The following PAX7 variants were observed in gnomAD, a reference collection of about 807,000 sequenced individuals.
PAX7 encodes the protein paired box protein Pax-7.
PAX7 carries 18 observed loss-of-function variants against 50.7 expected under a neutral mutation model. The ratio of observed to expected loss-of-function variants is 0.36; its 90% CI spans 0.25 to 0.53. PAX7 has a LOEUF of 0.53. Ranked by LOEUF, PAX7 falls within the 20% of genes least tolerant of loss-of-function variation. The probability of loss-of-function intolerance (pLI) is 0.93; values close to 1 mark genes in which losing one functional copy is unlikely to be tolerated. For missense variants in PAX7, 644 were observed against 702.9 expected (o/e 0.92, Z 0.95); for synonymous variants, 310 against 290.4 (o/e 1.07, Z -0.69).
Position 18,745,312 on chromosome 1 carries a change from C to A in PAX7, c.*383C>A. The A allele has an allele frequency of 3.6e-6, 1 of 277,436 alleles. No homozygotes were observed. Among genetic ancestry groups the A allele is most frequent in the East Asian group, 5.5e-5 (1 of 18,196 alleles). 17.2% of individuals were successfully genotyped at this position (277,436 alleles called of 1,614,324 possible). A position where few individuals can be genotyped will look rare whatever the true frequency, so the allele number is the denominator to read the frequency against. On this transcript the variant is annotated 3_prime_UTR_variant, in exon 9 of 9. Coordinates refer to ENST00000420770, the MANE Select transcript of PAX7 (RefSeq NM_001135254.2). Reference sequence around the variant, plus strand: ...TCCTACAGCCCTTTGGACCCAACTCCAGTGGGGGCCCTAGCTAGAAGTGGA... The same window carrying A: ...TCCTACAGCCCTTTGGACCCAACTCAAGTGGGGGCCCTAGCTAGAAGTGGA...
chr1:18,635,222 C>G lies in PAX7; in HGVS notation c.433C>G (p.Arg145Gly). 1 of 1,613,568 alleles carries G rather than the reference C, an allele frequency of 6.2e-7. No homozygotes were observed. Among genetic ancestry groups the G allele is most frequent in the Non-Finnish European group, 8.5e-7 (1 of 1,179,792 alleles). ...DRLLKDGHCD[R>G]STVPSGLVSS... ...GCTGCTGAAGGATGGGCACTGTGAC[C>G]GAAGCACTGTGCCCTCAGGTGAGAA... is the stretch of plus-strand genomic sequence containing the variant. Residue 145 changes from arginine (R) to glycine (G), a missense_variant, in exon 3 of 9, where the codon CGA becomes GGA. By Grantham distance (125) the Arg-to-Gly change is moderately radical (BLOSUM62 -2). Coordinates refer to ENST00000420770, the MANE Select transcript of PAX7 (RefSeq NM_001135254.2).
chr1:18,633,222 C>A (rs1279957319), intron 1 of PAX7, among the ~76,000 whole-genome samples: 1 of 152,186 alleles, frequency 6.6e-6, no homozygotes, highest in East Asian at 1.9e-4. Context: ...CGCCTCCTCC[C>A]TTTCAATTAC....
At chr1:18,718,258 G>A (rs74056075) in intron 7 of PAX7, among the ~76,000 whole-genome samples, 366 of 152,282 alleles carry the variant, frequency 2.4e-3, no homozygotes, top group African/African-American at 8.1e-3. Flanking sequence ...CAGGGAGTGC[G>A]CCATCTCTGC....
At chr1:18,711,931 A>G (rs2089356662) in intron 7 of PAX7, among the ~76,000 whole-genome samples, 1 of 152,138 alleles carries the variant, frequency 6.6e-6, no homozygotes, top group South Asian at 2.1e-4. Flanking sequence ...CAGCTCCCAG[A>G]GACTGCTCCC....
Position 18,664,874 on chromosome 1 carries a change from T to C in PAX7, c.587-26880T>C, listed in dbSNP as rs191280151. On this transcript the variant is annotated intron_variant, in intron 4 of 8. Transcript: ENST00000420770. The stretch of plus-strand genomic sequence containing the variant: ...AAGGGAGACTGGATGATGTGTTCCC[T>C]TTCCAGGGAGCGTGCTTCTTGACAG... Among the ~76,000 whole-genome samples the C allele has an allele frequency of 1.3e-3, 202 of 152,306 alleles. 2 individuals are homozygous for C. The highest frequency in any genetic ancestry group is 4.3e-3 in the African/African-American group (177 of 41,576).
rs2088150956 is a variant in PAX7, at chr1:18,636,110, G to A, written c.452-127G>A. On this transcript the variant is annotated intron_variant, in intron 3 of 8. Coordinates refer to ENST00000420770, the MANE Select transcript of PAX7 (RefSeq NM_001135254.2). The surrounding 1 kb of genome is among the most constrained non-coding windows in gnomAD (Gnocchi z 5.1). Reference sequence around the variant, plus strand: ...GTCAATGCCTAAATGCCTGTGTGTGGAAGAGGGATGAATGGATATCTGTAA... The same window carrying A: ...GTCAATGCCTAAATGCCTGTGTGTGAAAGAGGGATGAATGGATATCTGTAA... The A allele has an allele frequency of 5.2e-6, 5 of 962,314 alleles. No homozygotes were observed. The South Asian group carries it at 7.8e-5, about 15-fold the overall frequency. 59.6% of individuals were successfully genotyped at this position (962,314 alleles called of 1,614,324 possible).
chr1:18,740,968 A>T (rs1931098146), intron 8 of PAX7, among the ~76,000 whole-genome samples: 1 of 152,242 alleles, frequency 6.6e-6, no homozygotes, highest in Non-Finnish European at 1.5e-5. Flanking sequence ...AGAGAGTCAA[A>T]TGATGGTTAC....
At chr1:18,712,172 C>T (rs61760726) in intron 7 of PAX7, among the ~76,000 whole-genome samples, 2 of 30,460 alleles carry the variant, frequency 6.6e-5, no homozygotes, top group African/African-American at 1.1e-4. Flanking sequence ...TGTGAACTGA[C>T]GGTCGCTTTA....
chr1:18,635,183 G>A lies in PAX7; in HGVS notation c.394G>A (p.Glu132Lys). ...KRENPGMFSWEIRDRLLKDGH... is the reference protein window; with the variant it reads ...KRENPGMFSWKIRDRLLKDGH... ...GGAAAACCCAGGCATGTTCAGCTGG[G>A]AGATCCGGGACAGGCTGCTGAAGGA... Residue 132 changes from glutamate to lysine, a missense_variant, in exon 3 of 9, where the codon GAG becomes AAG. Transcript: ENST00000420770. 6.2e-7 allele frequency: 1 copy of A among 1,614,088 alleles called. No individual in the cohort carries two copies. Among genetic ancestry groups the A allele is most frequent in the East Asian group, 2.2e-5 (1 of 44,870 alleles).
chr1:18,725,713 C>T (rs939474409), intron 7 of PAX7, among the ~76,000 whole-genome samples: 8 of 152,198 alleles, frequency 5.3e-5, no homozygotes, highest in Non-Finnish European at 7.3e-5. Flanking sequence ...CGAGCCTCGC[C>T]GCTCCGAGCA....
intron 7 of PAX7, among the ~76,000 whole-genome samples, chr1:18,710,894 T>C (rs1057327664): frequency 1.3e-5 from 2 of 152,036 alleles, no homozygotes; most frequent in African/African-American, 4.8e-5. Context: ...TTTTCCGAGG[T>C]TGGGTTTTGG....
intron 8 of PAX7, among the ~76,000 whole-genome samples, chr1:18,738,380 G>A (rs955847502): frequency 2.6e-5 from 4 of 152,288 alleles, no homozygotes; most frequent in Non-Finnish European, 4.4e-5. Flanking sequence ...TCGGTGCCCT[G>A]CTCCAGGGGC....
chr1:18,658,799 T>C (rs1570134106), intron 4 of PAX7, among the ~76,000 whole-genome samples: 1 of 152,292 alleles, frequency 6.6e-6, no homozygotes, highest in Non-Finnish European at 1.5e-5. Flanking sequence ...CTGGCTGGGG[T>C]TGACATTTCA....
At chr1:18,650,615 C>T (rs781524315) in intron 4 of PAX7, among the ~76,000 whole-genome samples, 2 of 152,198 alleles carry the variant, frequency 1.3e-5, no homozygotes, top group African/African-American at 2.4e-5. Flanking sequence ...GGCTTTGGAG[C>T]AATCTGTCCC....
intron 7 of PAX7, among the ~76,000 whole-genome samples, chr1:18,708,467 A>C (rs1348088268): frequency 1.3e-5 from 2 of 151,896 alleles, no homozygotes; most frequent in African/African-American, 4.8e-5. Context: ...AGGTGGGAGG[A>C]TTGATTGACC....
chr1:18,651,491 G>A (rs1024344445), intron 4 of PAX7, among the ~76,000 whole-genome samples: 1 of 152,170 alleles, frequency 6.6e-6, no homozygotes, highest in Non-Finnish European at 1.5e-5. Context: ...GATTTATACA[G>A]TGATATCTAG....
chr1:18,701,879 A>AG lies in PAX7; in HGVS notation c.952+1066dup, dbSNP rs564275856. On this transcript the variant is annotated intron_variant, in intron 6 of 8. Coordinates refer to ENST00000420770, the MANE Select transcript of PAX7 (RefSeq NM_001135254.2). ...AGTGGGTGAGAGAGGATAGGGGATC[A>AG]GGGGGCCTTGGGAGAGGAAAGGAAA... 5.3e-5 allele frequency among the ~76,000 whole-genome samples: 8 copies of AG among 152,262 alleles called. No individual in the cohort carries two copies. The South Asian group carries it at 1.7e-3, about 32-fold the overall frequency.
chr1:18,701,822 G>A (rs2789322), intron 6 of PAX7, among the ~76,000 whole-genome samples: 1 of 151,666 alleles, frequency 6.6e-6, no homozygotes, highest in Admixed American at 6.6e-5. Context: ...CCCTTCTAGC[G>A]CTGGAAAGGG....
At chr1:18,684,300 G>A (rs2088942928) in intron 4 of PAX7, among the ~76,000 whole-genome samples, 1 of 152,214 alleles carries the variant, frequency 6.6e-6, no homozygotes. Flanking sequence ...AGGAGGGGAT[G>A]AAGGACAGTG....
Sources: gnomAD v4.1 joint callset for allele counts (sites outside exome capture counted in the v4.1 genomes callset) on GRCh38, gnomAD v4.1.1 for gene constraint, Gnocchi (gnomAD v3.1) non-coding constraint, MANE v1.5 for transcripts, NCBI Gene and HGNC (gene_info 2026-07-23, HGNC 2026-07-21) for gene names.